Variants in BICC1 observed in about 807,000 individuals in gnomAD.
BICC1 encodes protein bicaudal C homolog 1.
BICC1 carries 43 observed loss-of-function variants against 111.0 expected under a neutral mutation model. The observed-to-expected ratio is 0.39, with a 90% confidence interval of 0.30 to 0.50. BICC1 has a LOEUF of 0.50. BICC1 is among the 20% of genes least tolerant of loss of function. The pLI is 0.88. For missense variants in BICC1, 1,091 were observed against 1,203.2 expected, an observed-to-expected ratio of 0.91 and a Z score of 1.38; for synonymous variants, 467 against 434.4, an observed-to-expected ratio of 1.07 and a Z score of -0.93.
chr10:58,753,970 G>A (rs1049725758), intron 3 of BICC1, among the ~76,000 whole-genome samples: 11 of 151,898 alleles, frequency 7.2e-5, no homozygotes, highest in Non-Finnish European at 1.3e-4. Flanking sequence ...CATATGATAG[G>A]ACTTAATTTT....
At position 58,771,373 on chromosome 10, in the gene BICC1, A is replaced by G. The variant is rs79349111; in HGVS notation, c.308-13628A>G. ...ATGCTTGTGTTCTAAAACTTGATAC[A>G]TAGTCTGTTTTGTGAGGGGTATAAA... On this transcript the variant is annotated intron_variant, in intron 3 of 20. Coordinates refer to ENST00000373886, the MANE Select transcript of BICC1 (RefSeq NM_001080512.3). Among the ~76,000 whole-genome samples the G allele has an allele frequency of 5.3e-3, 802 of 152,308 alleles. 14 individuals carry two copies. Among genetic ancestry groups the G allele is most frequent in the African/African-American group, 0.018 (758 of 41,568 alleles).
chr10:58,640,841 C>G (rs115052653), intron 2 of BICC1, among the ~76,000 whole-genome samples: 153 of 152,278 alleles, frequency 1.0e-3, no homozygotes, highest in African/African-American at 3.5e-3. Context: ...ATGGTGAACA[C>G]ATCAAGTAAA....
chr10:58,702,282 A>G, intron 3 of BICC1, 139 bp downstream of exon 3: 1 of 570,904 alleles, frequency 1.8e-6, no homozygotes. Context: ...GTCTTTCAGG[A>G]GGATTTTCAT....
At chr10:58,802,999 G>C in intron 14 of BICC1, 78 bp from the exon 15 acceptor site, 1 of 1,324,196 alleles carries the variant, frequency 7.6e-7, no homozygotes, top group Non-Finnish European at 1.0e-6. Context: ...AACATGCATA[G>C]TAAATGTGGC....
intron 20 of BICC1, chr10:58,823,470 T>C (rs1247108740): frequency 1.0e-6 from 1 of 984,458 alleles, no homozygotes; most frequent in East Asian, 1.1e-4. Context: ...TAAAAACATA[T>C]GTATGTACTC....
At chr10:58,664,889 G>A (rs1838960912) in intron 2 of BICC1, among the ~76,000 whole-genome samples, 1 of 152,130 alleles carries the variant, frequency 6.6e-6, no homozygotes, top group Non-Finnish European at 1.5e-5. Flanking sequence ...GAATTTTGCT[G>A]TTGCTGTAGT....
chr10:58,760,454 G>C (rs1269865711), intron 3 of BICC1, among the ~76,000 whole-genome samples: 1 of 152,026 alleles, frequency 6.6e-6, no homozygotes, highest in Non-Finnish European at 1.5e-5. Flanking sequence ...CCATAGAGTA[G>C]GTTTTCTGAA....
chr10:58,538,171 C>T (rs1842871262), intron 1 of BICC1, among the ~76,000 whole-genome samples: 1 of 151,792 alleles, frequency 6.6e-6, no homozygotes, highest in Non-Finnish European at 1.5e-5. Context: ...CAAAGCAATC[C>T]TAAGCAAAAA....
intron 1 of BICC1, among the ~76,000 whole-genome samples, chr10:58,531,486 G>A (rs957712018): frequency 1.3e-5 from 2 of 151,850 alleles, no homozygotes; most frequent in Admixed American, 6.6e-5. Context: ...AGAGGTGACC[G>A]TTTATTCAAA....
At chr10:58,608,500 C>T (rs1845307607) in intron 1 of BICC1, among the ~76,000 whole-genome samples, 1 of 152,332 alleles carries the variant, frequency 6.6e-6, no homozygotes, top group East Asian at 1.9e-4. Flanking sequence ...CCCATGTCCT[C>T]ATGTCTACAT....
intron 1 of BICC1, among the ~76,000 whole-genome samples, chr10:58,591,345 G>A (rs1429850076): frequency 2.0e-5 from 3 of 152,060 alleles, no homozygotes; most frequent in South Asian, 2.1e-4. Context: ...AGTCCATTCC[G>A]GCTGCTATAA....
intron 1 of BICC1, among the ~76,000 whole-genome samples, chr10:58,522,116 T>G (rs1201133187): frequency 6.6e-6 from 1 of 151,936 alleles, no homozygotes; most frequent in Non-Finnish European, 1.5e-5. Context: ...AGTGGCTTGT[T>G]GTAAGGGACT....
chr10:58,699,115 C>T (rs1326272552), intron 2 of BICC1, among the ~76,000 whole-genome samples: 1 of 152,158 alleles, frequency 6.6e-6, no homozygotes, highest in Non-Finnish European at 1.5e-5. Flanking sequence ...TAATTACTGG[C>T]AATTTGTTTT....
chr10:58,729,730 G>A (rs1373685263), intron 3 of BICC1, among the ~76,000 whole-genome samples: 1 of 152,188 alleles, frequency 6.6e-6, no homozygotes, highest in African/African-American at 2.4e-5. Context: ...AGGATGAAGA[G>A]AGTGAAAGAG....
chr10:58,649,443 G>T (rs1222432975), intron 2 of BICC1, among the ~76,000 whole-genome samples: 1 of 152,152 alleles, frequency 6.6e-6, no homozygotes, highest in African/African-American at 2.4e-5. Context: ...AGCAACTAGA[G>T]ACCATCAGAT....
chr10:58,626,367 A>T (rs1837624130), intron 2 of BICC1, among the ~76,000 whole-genome samples: 1 of 152,172 alleles, frequency 6.6e-6, no homozygotes, highest in South Asian at 2.1e-4. Flanking sequence ...TACTGTCTAG[A>T]TAGGAATAAC....
chr10:58,790,229 G>T (rs967549011), intron 8 of BICC1, among the ~76,000 whole-genome samples: 1 of 151,674 alleles, frequency 6.6e-6, no homozygotes, highest in African/African-American at 2.4e-5. Flanking sequence ...AAGGATGGAA[G>T]GTGACTGTTT....
At chr10:58,549,582 T>C (rs182299428) in intron 1 of BICC1, among the ~76,000 whole-genome samples, 308 of 152,250 alleles carry the variant, frequency 2.0e-3, no homozygotes, top group African/African-American at 7.0e-3. Context: ...TTATTTGTCA[T>C]CTATGTATCT....
chr10:58,526,545 A>G (rs1842547621), intron 1 of BICC1, among the ~76,000 whole-genome samples: 1 of 151,940 alleles, frequency 6.6e-6, no homozygotes. Context: ...CATCATTTAC[A>G]TTAGGTGTAT....
Sources: allele counts gnomAD v4.1 joint callset (sites outside exome capture counted in the v4.1 genomes callset), GRCh38; gene constraint gnomAD v4.1.1; transcripts MANE v1.5; gene names NCBI Gene and HGNC (gene_info 2026-07-23, HGNC 2026-07-21).